The following PALLD variants were observed in gnomAD, a reference collection of about 807,000 sequenced individuals.
PALLD encodes the protein palladin.
In PALLD, 61 loss-of-function variants were observed where a neutral mutation model predicts 123.5. The observed-to-expected ratio is 0.49, with a 90% confidence interval of 0.40 to 0.61. PALLD has a LOEUF of 0.61. Among genes scored for constraint, PALLD ranks in the 20% least tolerant of loss-of-function variants. The pLI is 0.00. For synonymous variants in PALLD, 465 were observed against 496.4 expected, an observed-to-expected ratio of 0.94 and a Z score of 0.84; for missense variants, 1,273 against 1,377.0, an observed-to-expected ratio of 0.92 and a Z score of 1.20.
At chr4:168,862,251 T>A (rs1456458732) in intron 10 of PALLD, among the ~76,000 whole-genome samples, 1 of 152,080 alleles carries the variant, frequency 6.6e-6, no homozygotes, top group African/African-American at 2.4e-5. Context: ...CCTGCAGCCT[T>A]GTTCTCCTGG....
At chr4:168,548,350 A>G (rs1478320703) in intron 2 of PALLD, among the ~76,000 whole-genome samples, 5 of 152,028 alleles carry the variant, frequency 3.3e-5, no homozygotes, top group Non-Finnish European at 7.4e-5. Context: ...CTCAGGAAAA[A>G]AAAAAAAACA....
chr4:168,688,189 G>A (rs917498014), intron 6 of PALLD, among the ~76,000 whole-genome samples: 1 of 152,192 alleles, frequency 6.6e-6, no homozygotes, highest in Non-Finnish European at 1.5e-5. Flanking sequence ...CCTTTACTTT[G>A]TCACTCATAG....
intron 10 of PALLD, among the ~76,000 whole-genome samples, chr4:168,713,546 G>A (rs1198495680): frequency 2.0e-5 from 3 of 152,126 alleles, no homozygotes; most frequent in Admixed American, 6.5e-5. Context: ...CTGTTAAGAG[G>A]CATCTACAGC....
chr4:168,665,331 C>A (rs1260242193), intron 2 of PALLD, among the ~76,000 whole-genome samples: 1 of 152,174 alleles, frequency 6.6e-6, no homozygotes, highest in Admixed American at 6.5e-5. Flanking sequence ...AACTTACTCT[C>A]TAGGTTCTAG....
chr4:168,694,462 A>C (rs896439289), intron 8 of PALLD, among the ~76,000 whole-genome samples: 1 of 147,702 alleles, frequency 6.8e-6, no homozygotes, highest in South Asian at 2.2e-4. Flanking sequence ...CTCTCCCCTC[A>C]CCTCCTTCAT....
chr4:168,697,320 G>A (rs763520696), intron 8 of PALLD, among the ~76,000 whole-genome samples: 1 of 152,226 alleles, frequency 6.6e-6, no homozygotes, highest in Non-Finnish European at 1.5e-5. Context: ...AATCCAGAAA[G>A]GACAAGATGT....
intron 10 of PALLD, among the ~76,000 whole-genome samples, chr4:168,734,191 TAACTATGGCAACTCATTTGTTTCCCA>T (rs1787495498): frequency 6.6e-6 from 1 of 152,230 alleles, no homozygotes; most frequent in Non-Finnish European, 1.5e-5. Context: ...ACATCAGTGT[TAACTATGGCAACTCATTTGTTTCCCA>T]AAAAAATTTA....
rs756984622 is a variant in PALLD at position 168,625,502 on chromosome 4, G to GATATATATATATATATATATATATATAT, written c.909-42672_909-42671insATATATATATATATATATATATATATAT. 8.9e-4 allele frequency among the ~76,000 whole-genome samples: 102 copies of GATATATATATATATATATATATATATAT among 114,414 alleles called. 1 individual carries two copies. Among genetic ancestry groups the GATATATATATATATATATATATATATAT allele is most frequent in the African/African-American group, 3.1e-3 (93 of 29,980 alleles). The allele number at this position is 114,414 out of a possible 152,430, so 75.1% of individuals were successfully genotyped here. On this transcript the variant is annotated intron_variant, in intron 2 of 21. Transcript: ENST00000505667. ...TCCAATAAGGGATTAATATCCAGGA[G>GATATATATATATATATATATATATATAT]ATATATATATATATATCCTATAAGG...
At chr4:168,825,748 C>T (rs745521766) in intron 10 of PALLD, among the ~76,000 whole-genome samples, 2 of 152,132 alleles carry the variant, frequency 1.3e-5, no homozygotes, top group Non-Finnish European at 2.9e-5. Context: ...TGTATTTCTG[C>T]GAGCAACAAT....
In PALLD at chr4:168,581,303, A is replaced by ATT. The variant is rs112786259; in HGVS notation, c.908+68901_908+68902dup. 8.7e-4 allele frequency among the ~76,000 whole-genome samples: 128 copies of ATT among 146,662 alleles called. 2 individuals carry two copies. The highest frequency in any genetic ancestry group is 2.8e-3 in the African/African-American group (111 of 40,314). ...TTGTGCTGGATTTTATGCTAGTTCTATTTTTTTTTTTGAGCAACCTTCATA... is the reference window on the plus strand; with the variant it reads ...TTGTGCTGGATTTTATGCTAGTTCTATTTTTTTTTTTTTGAGCAACCTTCATA... On this transcript the variant is annotated intron_variant, in intron 2 of 21. Coordinates refer to ENST00000505667, the MANE Select transcript of PALLD (RefSeq NM_001166108.2).
At chr4:168,765,308 C>T (rs1733512559) in intron 10 of PALLD, among the ~76,000 whole-genome samples, 1 of 152,116 alleles carries the variant, frequency 6.6e-6, no homozygotes, top group East Asian at 1.9e-4. Context: ...GAGAAAATTG[C>T]TAAATAATGA....
At chr4:168,891,207 T>C (rs2151194878) in intron 11 of PALLD, 150 bp downstream of exon 11, 2 of 857,864 alleles carry the variant, frequency 2.3e-6, no homozygotes, top group South Asian at 1.5e-5. Flanking sequence ...TTGTCACCCA[T>C]GCTGGAGTGC....
rs377027447 is a variant in PALLD at position 168,658,557 on chromosome 4, GA to G, written c.909-9632del. Among the ~76,000 whole-genome samples, 41 of 152,106 alleles carry G rather than the reference GA, an allele frequency of 2.7e-4. No homozygotes were observed. In the East Asian group the frequency reaches 7.7e-3, roughly 29 times the overall value. The stretch of plus-strand genomic sequence containing the variant: ...CCACCTTGGCCTCCTAAAGTGCTGG[GA>G]TTATAGGCGTGAGCCACCATGCCCA... On this transcript the variant is annotated intron_variant, in intron 2 of 21. Transcript: ENST00000505667.
In PALLD at chr4:168,512,472, A is replaced by T. The variant is rs1030179886; in HGVS notation, c.908+60A>T. 20 of 1,435,872 alleles carry T rather than the reference A, an allele frequency of 1.4e-5. No homozygotes were observed. The African/African-American group carries it at 2.2e-4, about 16-fold the overall frequency. The allele number at this position is 1,435,872 out of a possible 1,614,324, so 88.9% of individuals were successfully genotyped here. On this transcript the variant is annotated intron_variant, in intron 2 of 21. Transcript: ENST00000505667. ...TTGTTGACTTTGGTGTTACTTTAAT[A>T]TGGGAGGAAGAAAGATTTCCTGTGT...
chr4:168,886,856 T>A (rs561372010), intron 10 of PALLD, among the ~76,000 whole-genome samples: 3 of 152,160 alleles, frequency 2.0e-5, no homozygotes, highest in South Asian at 4.2e-4. Context: ...TGGTGGCTCA[T>A]GCCTGTAATC....
chr4:168,516,045 G>T (rs936613047), intron 2 of PALLD, among the ~76,000 whole-genome samples: 1 of 152,150 alleles, frequency 6.6e-6, no homozygotes, highest in African/African-American at 2.4e-5. Context: ...CTCACACTGT[G>T]TGAACACCAC....
intron 10 of PALLD, among the ~76,000 whole-genome samples, chr4:168,882,524 AAAAG>A (rs1752747754): frequency 6.6e-6 from 1 of 152,196 alleles, no homozygotes; most frequent in Non-Finnish European, 1.5e-5. Context: ...TAACCAGTGA[AAAAG>A]AATCCAACAG....
intron 16 of PALLD, 26 bp from the exon 17 acceptor site, chr4:168,915,869 C>T (rs897491332): frequency 1.6e-5 from 26 of 1,594,092 alleles, no homozygotes; most frequent in Non-Finnish European, 2.2e-5. Flanking sequence ...ATATTTCTAT[C>T]TATCTGTCAT....
chr4:168,720,732 A>ATC (rs1561446212), intron 10 of PALLD, among the ~76,000 whole-genome samples: 2 of 152,114 alleles, frequency 1.3e-5, no homozygotes, highest in Non-Finnish European at 2.9e-5. Context: ...AGAGAAAGGC[A>ATC]TATCCTATAA....
Sources: gnomAD v4.1 joint callset for allele counts (sites outside exome capture counted in the v4.1 genomes callset) on GRCh38, gnomAD v4.1.1 for gene constraint, MANE v1.5 for transcripts, NCBI Gene and HGNC (gene_info 2026-07-23, HGNC 2026-07-21) for gene names.